GRID1: variants seen among roughly 807,000 people sequenced by gnomAD.
The protein encoded by GRID1 is glutamate receptor ionotropic, delta-1.
GRID1 carries 28 observed loss-of-function variants against 98.0 expected under a neutral mutation model. The observed-to-expected ratio is 0.29, with a 90% CI of 0.21 to 0.39. The LOEUF is 0.39. Ranked by LOEUF, GRID1 falls within the 10% of genes least tolerant of loss-of-function variation. The pLI is 1.00. For synonymous variants in GRID1, 553 were observed against 538.5 expected (o/e 1.03, Z -0.37); for missense variants, 1,111 against 1,340.5 (o/e 0.83, Z 2.67).
chr10:86,267,994 C>T (rs1161790418), intron 2 of GRID1, among the ~76,000 whole-genome samples: 1 of 152,254 alleles, frequency 6.6e-6, no homozygotes, highest in African/African-American at 2.4e-5. Flanking sequence ...TGCGCACCCA[C>T]AGCCCGGTGC....
intron 8 of GRID1, among the ~76,000 whole-genome samples, chr10:85,820,705 T>C (rs986554255): frequency 6.6e-6 from 1 of 152,210 alleles, no homozygotes; most frequent in Non-Finnish European, 1.5e-5. Flanking sequence ...CACAACAAGA[T>C]ACCACTATTA....
At chr10:85,764,665 C>A (rs17105866) in intron 8 of GRID1, among the ~76,000 whole-genome samples, 8,320 of 152,248 alleles carry the variant, frequency 0.055, 281 homozygotes, top group East Asian at 0.088. Flanking sequence ...AGTTAGTAAA[C>A]CCATGACTTC....
chr10:85,879,860 T>G (rs190942994), intron 5 of GRID1, among the ~76,000 whole-genome samples: 1 of 151,816 alleles, frequency 6.6e-6, no homozygotes, highest in Admixed American at 6.6e-5. Flanking sequence ...ATCAACAAAA[T>G]TGATAGACCG....
chr10:85,869,458 G>A (rs1211115556), intron 5 of GRID1, among the ~76,000 whole-genome samples: 1 of 152,178 alleles, frequency 6.6e-6, no homozygotes, highest in Non-Finnish European at 1.5e-5. Flanking sequence ...GAAGCTTTTA[G>A]GAACTAATGC....
chr10:86,182,979 G>A (rs575378297), intron 3 of GRID1, among the ~76,000 whole-genome samples: 1 of 152,278 alleles, frequency 6.6e-6, no homozygotes, highest in African/African-American at 2.4e-5. Context: ...CTTTATTGAG[G>A]TAATAATGTG....
intron 3 of GRID1, among the ~76,000 whole-genome samples, chr10:86,190,627 C>T (rs1439257585): frequency 6.6e-6 from 1 of 152,246 alleles, no homozygotes; most frequent in Non-Finnish European, 1.5e-5. Flanking sequence ...GCTCTCCCTT[C>T]CCTGCACAAG....
At chr10:86,059,138 G>A (rs949500356) in intron 4 of GRID1, among the ~76,000 whole-genome samples, 3 of 152,212 alleles carry the variant, frequency 2.0e-5, no homozygotes, top group African/African-American at 7.2e-5. Context: ...GACCCATGGA[G>A]GATGAGGATC....
intron 8 of GRID1, among the ~76,000 whole-genome samples, chr10:85,820,201 C>G (rs1453607289): frequency 1.4e-5 from 2 of 141,986 alleles, no homozygotes; most frequent in African/African-American, 5.4e-5. Context: ...CTGATACACT[C>G]AAAATGAGGA....
intron 4 of GRID1, among the ~76,000 whole-genome samples, chr10:85,948,306 C>T (rs904443675): frequency 3.3e-5 from 5 of 152,058 alleles, no homozygotes; most frequent in African/African-American, 1.2e-4. Flanking sequence ...GAGATACTTG[C>T]CAAGGATAAA....
intron 5 of GRID1, among the ~76,000 whole-genome samples, chr10:85,881,535 A>G (rs1841014762): frequency 6.6e-6 from 1 of 152,246 alleles, no homozygotes; most frequent in Non-Finnish European, 1.5e-5. Context: ...AGGATTCCCT[A>G]TTTAATAAAT....
At chr10:85,859,387 T>TGATG (rs375821889) in intron 6 of GRID1, among the ~76,000 whole-genome samples, 47 of 149,828 alleles carry the variant, frequency 3.1e-4, no homozygotes, top group African/African-American at 5.6e-4. Context: ...AGTGATGAAG[T>TGATG]GATGGATGGA....
chr10:85,659,464 A>G (rs571439067), intron 12 of GRID1, among the ~76,000 whole-genome samples: 1 of 152,342 alleles, frequency 6.6e-6, no homozygotes, highest in Non-Finnish European at 1.5e-5. Context: ...CACACAAGAC[A>G]TCTGCCTGCC....
chr10:85,920,013 AC>A (rs1217382434), intron 4 of GRID1, among the ~76,000 whole-genome samples: 12 of 151,884 alleles, frequency 7.9e-5, no homozygotes, highest in African/African-American at 2.7e-4. Flanking sequence ...CACACCCCTA[AC>A]CAGGGGCCCA....
chr10:86,295,929 C>T (rs1847582568), intron 2 of GRID1, among the ~76,000 whole-genome samples: 3 of 152,228 alleles, frequency 2.0e-5, no homozygotes, highest in Admixed American at 2.0e-4. Flanking sequence ...GACTCAAACA[C>T]CTCATCCATC....
intron 11 of GRID1, 25 bp downstream of exon 11, chr10:85,724,327 A>G: frequency 1.9e-6 from 3 of 1,584,320 alleles, no homozygotes; most frequent in Non-Finnish European, 2.6e-6. Flanking sequence ...AGAGCTATTC[A>G]ATGATCAGGA....
intron 4 of GRID1, among the ~76,000 whole-genome samples, chr10:86,130,674 C>T (rs574520005): frequency 3.9e-5 from 6 of 152,320 alleles, no homozygotes; most frequent in Admixed American, 3.9e-4. Context: ...GAGCCACTTC[C>T]ATCTGGCAAT....
rs144743756 is a variant in GRID1, at chr10:86,056,396, T to C, written c.726+82423A>G. 2.5e-3 allele frequency among the ~76,000 whole-genome samples: 377 copies of C among 152,308 alleles called. 1 individual carries two copies. The highest frequency in any genetic ancestry group is 8.2e-3 in the African/African-American group (339 of 41,552). On this transcript the variant is annotated intron_variant, in intron 4 of 15. Coordinates refer to ENST00000327946, the MANE Select transcript of GRID1 (RefSeq NM_017551.3). ...TTTGTCCAAACCAAGCTGATCTGCTTTTCCAGGTGTAATAAGAACAAGGAA... is the reference window on the plus strand; with the variant it reads ...TTTGTCCAAACCAAGCTGATCTGCTCTTCCAGGTGTAATAAGAACAAGGAA...
chr10:86,070,294 G>A (rs1016963551), intron 4 of GRID1, among the ~76,000 whole-genome samples: 1 of 152,158 alleles, frequency 6.6e-6, no homozygotes, highest in Non-Finnish European at 1.5e-5. Flanking sequence ...TGCCAGTTGT[G>A]GAAATCAAAG....
chr10:85,826,125 C>T (rs896471914), intron 8 of GRID1, among the ~76,000 whole-genome samples: 2 of 151,932 alleles, frequency 1.3e-5, no homozygotes, highest in African/African-American at 4.8e-5. Context: ...TCGGGTGTTC[C>T]AGACCAGCCT....
Sources: allele counts gnomAD v4.1 joint callset (sites outside exome capture counted in the v4.1 genomes callset), GRCh38; gene constraint gnomAD v4.1.1; transcripts MANE v1.5; gene names NCBI Gene and HGNC (gene_info 2026-07-23, HGNC 2026-07-21).